The following DNASE2B variants were observed in gnomAD, a reference collection of about 807,000 sequenced individuals.
DNASE2B encodes deoxyribonuclease-2-beta.
DNASE2B carries 43 observed loss-of-function variants against 46.0 expected under a neutral mutation model. The ratio of observed to expected loss-of-function variants is 0.94; its 90% CI spans 0.73 to 1.21. The LOEUF (loss-of-function observed/expected upper bound fraction) is 1.21. Among genes scored for constraint, DNASE2B ranks in the 50% most tolerant of loss-of-function variants. The pLI, the probability that DNASE2B is intolerant of heterozygous loss-of-function variation, is 0.00. For missense variants in DNASE2B, 395 were observed against 414.4 expected, an observed-to-expected ratio of 0.95 and a Z score of 0.41; for synonymous variants, 156 against 152.5, an observed-to-expected ratio of 1.02 and a Z score of -0.17.
chr1:84,411,048 T>G (rs1506700), intron 4 of DNASE2B, 49 bp downstream of exon 4: 811,630 of 1,528,906 alleles, frequency 0.53, 217,204 homozygotes, highest in East Asian at 0.62. Flanking sequence ...GTTGAAGAAA[T>G]GATTTGGAAA....
At chr1:84,413,877 C>G (rs939198388) in intron 5 of DNASE2B, among the ~76,000 whole-genome samples, 6 of 152,212 alleles carry the variant, frequency 3.9e-5, no homozygotes, top group African/African-American at 1.4e-4. Flanking sequence ...CCCATCTCTT[C>G]TTTTTCTGAC....
At chr1:84,400,994 G>A (rs1210511443) in intron 1 of DNASE2B, among the ~76,000 whole-genome samples, 7 of 152,016 alleles carry the variant, frequency 4.6e-5, no homozygotes, top group South Asian at 4.2e-4. Flanking sequence ...CAGCTTTTAC[G>A]GGTTTGTGAC....
At position 84,402,170 on chromosome 1, in the gene DNASE2B, A is replaced by G. The variant is rs143594114; in HGVS notation, c.303+92A>G. On this transcript the variant is annotated intron_variant, in intron 2 of 5. Transcript: ENST00000370665. ...ACCAGAGTTTTCTGTTCACCCACCC[A>G]ACCCCCAATCCTAGCACCTTGAAGT... 261 of 1,307,840 alleles carry G rather than the reference A, an allele frequency of 2.0e-4. 2 individuals are homozygous for G. The African/African-American group carries it at 3.7e-3, about 19-fold the overall frequency. The allele number at this position is 1,307,840 out of a possible 1,614,324, so 81.0% of individuals were successfully genotyped here.
At chr1:84,410,326 G>T (rs1438933297) in intron 3 of DNASE2B, among the ~76,000 whole-genome samples, 1 of 151,924 alleles carries the variant, frequency 6.6e-6, no homozygotes, top group African/African-American at 2.4e-5. Context: ...TCTTTTATTG[G>T]GCTTGTAGAA....
intron 1 of DNASE2B, among the ~76,000 whole-genome samples, 166 bp downstream of exon 1, chr1:84,398,855 T>C (rs941782392): frequency 2.6e-5 from 4 of 152,174 alleles, no homozygotes; most frequent in African/African-American, 9.7e-5. Context: ...AGGGGTAGGC[T>C]TCTGAGTGAC....
intron 2 of DNASE2B, among the ~76,000 whole-genome samples, chr1:84,402,736 G>C (rs901419511): frequency 5.9e-5 from 9 of 152,170 alleles, no homozygotes; most frequent in African/African-American, 1.9e-4. Context: ...CTGTTGCTTA[G>C]TTTCAAGATA....
At chr1:84,402,211 C>A in intron 2 of DNASE2B, 133 bp downstream of exon 2, 1 of 764,096 alleles carries the variant, frequency 1.3e-6, no homozygotes, top group Non-Finnish European at 2.0e-6. Context: ...AGCTCAGGAC[C>A]AGCTCAAGAC....
At chr1:84,407,730 T>G (rs372396320) in intron 2 of DNASE2B, among the ~76,000 whole-genome samples, 6 of 152,226 alleles carry the variant, frequency 3.9e-5, no homozygotes, top group African/African-American at 1.2e-4. Context: ...ATCGAAATAA[T>G]AGCTTTATTT....
chr1:84,414,379 T>C (rs543292992), intron 5 of DNASE2B, 149 bp from the exon 6 acceptor site: 1 of 647,246 alleles, frequency 1.5e-6, no homozygotes, highest in Non-Finnish European at 2.6e-6. Flanking sequence ...AAATGTTTTC[T>C]CATCCACTAT....
At chr1:84,399,967 G>A (rs1181238961) in intron 1 of DNASE2B, among the ~76,000 whole-genome samples, 1 of 152,162 alleles carries the variant, frequency 6.6e-6, no homozygotes, top group Non-Finnish European at 1.5e-5. Flanking sequence ...GAGAAGAGGT[G>A]TAGACCTGAG....
At chr1:84,410,759 T>C (rs1680573517) in intron 3 of DNASE2B, 79 bp from the exon 4 acceptor site, 1 of 1,410,546 alleles carries the variant, frequency 7.1e-7, no homozygotes, top group Non-Finnish European at 9.6e-7. Context: ...TAAATGGGCT[T>C]AAATGTTGCC....
At chr1:84,407,779 T>C (rs1003717230) in intron 2 of DNASE2B, among the ~76,000 whole-genome samples, 5 of 152,200 alleles carry the variant, frequency 3.3e-5, no homozygotes, top group Non-Finnish European at 5.9e-5. Flanking sequence ...TGACTCATAT[T>C]TGGCCTTACC....
intron 2 of DNASE2B, among the ~76,000 whole-genome samples, chr1:84,403,171 C>T (rs1680449083): frequency 1.3e-5 from 2 of 152,156 alleles, no homozygotes; most frequent in African/African-American, 2.4e-5. Context: ...AATAAACAGA[C>T]GACAGCTGAC....
At chr1:84,405,317 A>C (rs1440826496) in intron 2 of DNASE2B, among the ~76,000 whole-genome samples, 3 of 152,224 alleles carry the variant, frequency 2.0e-5, no homozygotes, top group African/African-American at 7.2e-5. Flanking sequence ...TTTAATTTTA[A>C]GTATGAGCTA....
intron 1 of DNASE2B, among the ~76,000 whole-genome samples, chr1:84,399,163 T>G (rs1236819469): frequency 6.6e-5 from 10 of 152,220 alleles, no homozygotes; most frequent in Admixed American, 6.5e-4. Flanking sequence ...ATCGGTTTGT[T>G]TGGAAGCAGA....
At chr1:84,400,567 G>A (rs1031274544) in intron 1 of DNASE2B, among the ~76,000 whole-genome samples, 12 of 152,150 alleles carry the variant, frequency 7.9e-5, no homozygotes, top group Non-Finnish European at 2.9e-5. Flanking sequence ...GACCTCAGCA[G>A]AAAGGTCTGG....
intron 1 of DNASE2B, 112 bp downstream of exon 1, chr1:84,398,801 A>G (rs1680351102): frequency 2.1e-6 from 3 of 1,459,704 alleles, no homozygotes; most frequent in African/African-American, 1.4e-5. Context: ...CTCCCTTTAC[A>G]AATAAAGGAA....
intron 2 of DNASE2B, among the ~76,000 whole-genome samples, chr1:84,404,302 T>C (rs558267): frequency 0.22 from 33,646 of 151,894 alleles, 4,030 homozygotes; most frequent in African/African-American, 0.31. Context: ...CAACCTTTCT[T>C]GCCATATCCA....
chr1:84,403,648 C>T (rs1680455013), intron 2 of DNASE2B, among the ~76,000 whole-genome samples: 1 of 151,738 alleles, frequency 6.6e-6, no homozygotes. Context: ...CATGAAAATA[C>T]ATAATGAATT....
Sources: gnomAD v4.1 joint callset for allele counts (sites outside exome capture counted in the v4.1 genomes callset) on GRCh38, gnomAD v4.1.1 for gene constraint, MANE v1.5 for transcripts, NCBI Gene and HGNC (gene_info 2026-07-23, HGNC 2026-07-21) for gene names.